The following PAFAH2 variants were observed in gnomAD, a reference collection of about 807,000 sequenced individuals.
PAFAH2 encodes the protein platelet-activating factor acetylhydrolase 2, cytoplasmic.
Under a neutral mutation model 49.0 loss-of-function variants are expected in PAFAH2, and 42 were observed. That is an observed-to-expected ratio of 0.86 (90% CI 0.67 to 1.11). The LOEUF (loss-of-function observed/expected upper bound fraction) is 1.11, where lower values mean the gene tolerates loss of function less well. Ranked by LOEUF, PAFAH2 falls within the 50% of genes least tolerant of loss-of-function variation. The probability of loss-of-function intolerance (pLI) is 0.00; values close to 1 mark genes in which losing one functional copy is unlikely to be tolerated. For synonymous variants in PAFAH2, 184 were observed against 181.3 expected, an observed-to-expected ratio of 1.01 and a Z score of -0.12; for missense variants, 503 against 501.8, an observed-to-expected ratio of 1.00 and a Z score of -0.02.
intron 10 of PAFAH2, among the ~76,000 whole-genome samples, chr1:25,967,600 A>G (rs761688581): frequency 3.2e-4 from 48 of 152,196 alleles, no homozygotes; most frequent in Non-Finnish European, 3.8e-4. Flanking sequence ...AATGAGAACT[A>G]CTGGAGCTAG....
chr1:25,978,683 T>G (rs748522075), intron 7 of PAFAH2, among the ~76,000 whole-genome samples: 2 of 152,210 alleles, frequency 1.3e-5, no homozygotes, highest in African/African-American at 2.4e-5. Flanking sequence ...GTTGGCTTAA[T>G]GCAAACAACA....
chr1:25,996,268 G>A (rs746985554), intron 1 of PAFAH2, among the ~76,000 whole-genome samples: 2 of 152,306 alleles, frequency 1.3e-5, no homozygotes, highest in Admixed American at 6.5e-5. Flanking sequence ...AGGAGGCTGA[G>A]GTAGGAGGAT....
intron 10 of PAFAH2, among the ~76,000 whole-genome samples, chr1:25,968,421 G>C (rs1243376556): frequency 6.6e-6 from 1 of 152,086 alleles, no homozygotes; most frequent in Non-Finnish European, 1.5e-5. Flanking sequence ...CTGAGAGACA[G>C]GATAAGGGAA....
chr1:25,987,953 C>A (rs1423826734), intron 4 of PAFAH2, among the ~76,000 whole-genome samples: 1 of 152,062 alleles, frequency 6.6e-6, no homozygotes, highest in Non-Finnish European at 1.5e-5. Context: ...CATTTCTGGG[C>A]TATCACATAG....
At chr1:25,967,502 T>C (rs1275823572) in intron 10 of PAFAH2, among the ~76,000 whole-genome samples, 1 of 151,892 alleles carries the variant, frequency 6.6e-6, no homozygotes, top group African/African-American at 2.4e-5. Flanking sequence ...AAGTCCACAG[T>C]GTGGATCTCT....
intron 9 of PAFAH2, 64 bp from the exon 10 acceptor site, chr1:25,972,776 C>T (rs1572346002): frequency 5.8e-6 from 9 of 1,545,444 alleles, no homozygotes; most frequent in Non-Finnish European, 8.0e-6. Flanking sequence ...GTGTGTTAGG[C>T]ACCTACTATG....
At position 25,963,629 on chromosome 1, in the gene PAFAH2, A is replaced by G. The variant is rs185693751; in HGVS notation, c.1085-1546T>C. Among the ~76,000 whole-genome samples, 594 of 152,150 alleles carry G rather than the reference A, an allele frequency of 3.9e-3. 3 individuals are homozygous for G. The highest frequency in any genetic ancestry group is 0.014 in the African/African-American group (569 of 41,510). On this transcript the variant is annotated intron_variant, in intron 10 of 10. Transcript: ENST00000374282. ...AGTGATTCTCCTGCCTCAGCCTCCT[A>G]AGTAGCTGGGACTACAGGCATGCAC...
rs111983407 is a variant in PAFAH2 at position 25,986,751 on chromosome 1, G to A, written c.341+1480C>T. Among the ~76,000 whole-genome samples the A allele has an allele frequency of 1.1e-3, 165 of 151,812 alleles. 1 individual carries two copies. The highest frequency in any genetic ancestry group is 3.7e-3 in the African/African-American group (154 of 41,446). ...TCTCCATGTTGGTCAGGCTAGTCTC[G>A]AACTCCCAACCTCAGGTGATCCACC... On this transcript the variant is annotated intron_variant, in intron 4 of 10. Coordinates refer to ENST00000374282, the MANE Select transcript of PAFAH2 (RefSeq NM_000437.4).
In PAFAH2 at chr1:25,961,797, C is replaced by T; in HGVS notation, c.*192G>A. The T allele has an allele frequency of 2.0e-6, 1 of 504,382 alleles. No homozygotes were observed. Among genetic ancestry groups the T allele is most frequent in the Non-Finnish European group, 3.5e-6 (1 of 283,674 alleles). 31.2% of individuals were successfully genotyped at this position (504,382 alleles called of 1,614,324 possible). A position where few individuals can be genotyped will look rare whatever the true frequency, so the allele number is the denominator to read the frequency against. ...TCTGTTTGTCAATCAGCAAGGGATC[C>T]CAGTCCCAAAGTGATTTTAAGATCA... On this transcript the variant is annotated 3_prime_UTR_variant, in exon 11 of 11. Coordinates refer to ENST00000374282, the MANE Select transcript of PAFAH2 (RefSeq NM_000437.4).
At chr1:25,972,525 C>T in intron 10 of PAFAH2, 33 bp downstream of exon 10, 1 of 1,602,980 alleles carries the variant, frequency 6.2e-7, no homozygotes, top group Non-Finnish European at 8.5e-7. Flanking sequence ...AGGGACCCCA[C>T]AGCTGCCCCA....
chr1:25,971,771 G>C (rs2049512834), intron 10 of PAFAH2, among the ~76,000 whole-genome samples: 1 of 152,184 alleles, frequency 6.6e-6, no homozygotes. Flanking sequence ...CCTCTGGGTG[G>C]AAGCTGGACC....
intron 9 of PAFAH2, among the ~76,000 whole-genome samples, 199 bp from the exon 10 acceptor site, chr1:25,972,911 T>C (rs973854296): frequency 6.6e-6 from 1 of 152,032 alleles, no homozygotes; most frequent in Non-Finnish European, 1.5e-5. Flanking sequence ...ATACAAGTAG[T>C]TGGGGATGGA....
intron 4 of PAFAH2, 112 bp downstream of exon 4, chr1:25,988,119 A>T (rs1018423933): frequency 5.8e-6 from 4 of 694,998 alleles, no homozygotes; most frequent in Non-Finnish European, 4.9e-6. Context: ...ATGGGAGATA[A>T]GACAGCTAGC....
At chr1:25,994,969 T>C (rs778152994) in intron 1 of PAFAH2, among the ~76,000 whole-genome samples, 7 of 152,142 alleles carry the variant, frequency 4.6e-5, no homozygotes, top group Non-Finnish European at 1.0e-4. Flanking sequence ...CCAAATAGGA[T>C]GGAGAGATGG....
At chr1:25,997,573 C>T (rs1266700047) in intron 1 of PAFAH2, 1 of 152,264 alleles carries the variant, frequency 6.6e-6, no homozygotes, top group Non-Finnish European at 1.5e-5. Flanking sequence ...GGTCTGCTGA[C>T]TTCGAGTCCA....
chr1:25,963,009 C>A (rs2124309544), intron 10 of PAFAH2, among the ~76,000 whole-genome samples: 1 of 152,146 alleles, frequency 6.6e-6, no homozygotes, highest in African/African-American at 2.4e-5. Flanking sequence ...CAAGAAGGGG[C>A]CCTGAGCTCA....
intron 8 of PAFAH2, 77 bp downstream of exon 8, chr1:25,976,605 T>C: frequency 9.6e-7 from 1 of 1,045,842 alleles, no homozygotes; most frequent in Non-Finnish European, 1.5e-6. Context: ...AAGAATATAG[T>C]ACTTGTGTAA....
At chr1:25,969,655 A>T (rs2049477463) in intron 10 of PAFAH2, among the ~76,000 whole-genome samples, 1 of 152,248 alleles carries the variant, frequency 6.6e-6, no homozygotes. Context: ...CCTGGCATAA[A>T]GTAAGTCCTC....
intron 6 of PAFAH2, among the ~76,000 whole-genome samples, chr1:25,983,473 C>T (rs572451500): frequency 2.0e-5 from 3 of 151,478 alleles, no homozygotes; most frequent in African/African-American, 7.2e-5. Context: ...AGGAAGATCT[C>T]TTGAGCCCAG....
Sources: gnomAD v4.1 joint callset for allele counts (sites outside exome capture counted in the v4.1 genomes callset) on GRCh38, gnomAD v4.1.1 for gene constraint, MANE v1.5 for transcripts, NCBI Gene and HGNC (gene_info 2026-07-23, HGNC 2026-07-21) for gene names.